STON2: variants seen among roughly 807,000 people sequenced by gnomAD.
STON2 encodes stonin-2.
A neutral mutation model predicts 65.7 loss-of-function variants in STON2; 29 were observed. The ratio of observed to expected loss-of-function variants is 0.44; its 90% CI spans 0.33 to 0.60. The LOEUF (loss-of-function observed/expected upper bound fraction) is 0.60, where lower values mean the gene tolerates loss of function less well. Ranked by LOEUF, STON2 falls within the 20% of genes least tolerant of loss-of-function variation. The pLI is 0.03. For synonymous variants in STON2, 404 were observed against 414.2 expected, an observed-to-expected ratio of 0.98 and a Z score of 0.30; for missense variants, 1,054 against 1,118.1, an observed-to-expected ratio of 0.94 and a Z score of 0.82.
At position 81,277,064 on chromosome 14, in the gene STON2, C is replaced by T. The variant is rs765690420; in HGVS notation, c.2418G>A (p.Gly806=). The change falls in exon 6 of 8, where the codon GGG becomes GGA. Residue 806 remains glycine, a synonymous_variant. Transcript: ENST00000614646. ...TCACTTTGGCTTTCAAAGACTTTTCCCCCAGGACACTTTCCCTGCGGAAGT... is the reference window on the plus strand; with the variant it reads ...TCACTTTGGCTTTCAAAGACTTTTCTCCCAGGACACTTTCCCTGCGGAAGT... ...VKNFRRESVL[G]EKSLKAKVNR... 16 of 1,614,196 alleles carry T rather than the reference C, an allele frequency of 9.9e-6. No individual in the cohort carries two copies. In the East Asian group the frequency reaches 3.6e-4, roughly 36 times the overall value.
intron 7 of STON2, 26 bp from the exon 8 acceptor site, chr14:81,268,523 A>C (rs1894445625): frequency 7.8e-7 from 1 of 1,288,650 alleles, no homozygotes; most frequent in Non-Finnish European, 1.0e-6. Context: ...GTTGGAGATA[A>C]AGATCAAAAA....
chr14:81,408,254 C>T (rs1374279900), intron 2 of STON2, among the ~76,000 whole-genome samples: 5 of 151,918 alleles, frequency 3.3e-5, no homozygotes, highest in South Asian at 2.1e-4. Flanking sequence ...ATTATTTCGA[C>T]GTTTAAAAAT....
intron 1 of STON2, among the ~76,000 whole-genome samples, chr14:81,435,872 G>T (rs755821211): frequency 1.2e-4 from 18 of 152,192 alleles, no homozygotes; most frequent in Non-Finnish European, 2.4e-4. Flanking sequence ...CTGGGGTCCT[G>T]CCTCCCGACA....
intron 5 of STON2, among the ~76,000 whole-genome samples, chr14:81,297,507 T>C (rs1164388781): frequency 6.6e-6 from 1 of 152,226 alleles, no homozygotes. Flanking sequence ...CTGAGTCTGT[T>C]TCCTCACTTT....
At chr14:81,384,526 G>A (rs541938537) in intron 3 of STON2, among the ~76,000 whole-genome samples, 187 of 152,230 alleles carry the variant, frequency 1.2e-3, no homozygotes, top group Non-Finnish European at 2.1e-3. Flanking sequence ...GTAAGCCATC[G>A]CGCCCAGCCC....
chr14:81,365,822 T>C (rs1898697560), intron 4 of STON2, among the ~76,000 whole-genome samples: 1 of 152,152 alleles, frequency 6.6e-6, no homozygotes, highest in African/African-American at 2.4e-5. Flanking sequence ...GAGCAGCTTG[T>C]GTGCAAGCAT....
intron 4 of STON2, among the ~76,000 whole-genome samples, chr14:81,334,775 C>T (rs894854047): frequency 3.3e-5 from 5 of 152,174 alleles, no homozygotes; most frequent in South Asian, 2.1e-4. Context: ...AATGTCCTAT[C>T]GTAGTCTGGT....
At chr14:81,388,689 T>C (rs1371895935) in intron 3 of STON2, among the ~76,000 whole-genome samples, 2 of 152,218 alleles carry the variant, frequency 1.3e-5, no homozygotes, top group African/African-American at 2.4e-5. Context: ...GCTTTATTCT[T>C]AGGTGGCACA....
chr14:81,328,930 T>C (rs538780381), intron 4 of STON2, among the ~76,000 whole-genome samples: 1 of 152,202 alleles, frequency 6.6e-6, no homozygotes, highest in East Asian at 1.9e-4. Context: ...GCCAGCGCCA[T>C]GCTTCTTGTA....
intron 4 of STON2, among the ~76,000 whole-genome samples, chr14:81,351,178 C>CTTTTTTTTT (rs370421507): frequency 1.1e-4 from 14 of 127,878 alleles, no homozygotes; most frequent in East Asian, 2.3e-4. Context: ...GTAAGCTCTT[C>CTTTTTTTTT]TTTTTTTTTT....
chr14:81,277,672 C>A lies in STON2; in HGVS notation c.1810G>T (p.Asp604Tyr). Residue 604 changes from aspartate (D) to tyrosine (Y), a missense_variant, in exon 6 of 8, where the codon GAC becomes TAC. Coordinates refer to ENST00000614646, the MANE Select transcript of STON2 (RefSeq NM_001394390.1). ...DFLSFIHAVQ[D>Y]RLMDLPVLSM... is the part of the protein sequence containing the mutation. ...AACACTGGCAGATCCATGAGACGGT[C>A]CTGAACTGCATGGATGAAACTCAGG... The A allele has an allele frequency of 6.2e-7, 1 of 1,614,174 alleles. No homozygotes were observed. Among genetic ancestry groups the A allele is most frequent in the South Asian group, 1.1e-5 (1 of 91,080 alleles).
intron 2 of STON2, among the ~76,000 whole-genome samples, chr14:81,423,405 C>T (rs537029360): frequency 9.8e-5 from 15 of 152,310 alleles, no homozygotes; most frequent in African/African-American, 3.6e-4. Flanking sequence ...TCTCAAAGTC[C>T]TAGGGATCTG....
intron 1 of STON2, among the ~76,000 whole-genome samples, chr14:81,433,143 G>A (rs75920494): frequency 0.027 from 4,047 of 152,176 alleles, 181 homozygotes; most frequent in African/African-American, 0.091. Flanking sequence ...ATAAAATAAC[G>A]ACTTCAAGAT....
At chr14:81,382,288 G>A (rs1377682554) in intron 3 of STON2, among the ~76,000 whole-genome samples, 3 of 152,130 alleles carry the variant, frequency 2.0e-5, no homozygotes, top group East Asian at 1.9e-4. Context: ...TAAATGGATT[G>A]TAGCATATTA....
intron 3 of STON2, among the ~76,000 whole-genome samples, chr14:81,374,810 C>A (rs150021520): frequency 4.0e-5 from 6 of 151,528 alleles, no homozygotes; most frequent in African/African-American, 1.5e-4. Flanking sequence ...GGTAGAGGGG[C>A]AATATTTGAA....
At chr14:81,404,894 CAG>C (rs1900771530), upstream of STON2, among the ~76,000 whole-genome samples, 1 of 152,198 alleles carries the variant, frequency 6.6e-6, no homozygotes, top group Non-Finnish European at 1.5e-5. Flanking sequence ...TTTCACAAGA[CAG>C]AGAATTTTTC....
chr14:81,402,464 C>A (rs137921106), upstream of STON2, among the ~76,000 whole-genome samples: 1,181 of 152,262 alleles, frequency 7.8e-3, 3 homozygotes, highest in Non-Finnish European at 0.012. Context: ...AGTAGGACAG[C>A]AGCAAGTAAG....
In STON2 at chr14:81,261,907, T is replaced by C; in HGVS notation, c.*6507A>G. On this transcript the variant is annotated 3_prime_UTR_variant, in exon 8 of 8. Coordinates refer to ENST00000614646, the MANE Select transcript of STON2 (RefSeq NM_001394390.1). ...GGAAGGCAACTGCAATATAGAGGAT[T>C]TGGAAGGTTGTCTGTTTCTGTTGTC... is the stretch of plus-strand genomic sequence containing the variant. 6.6e-7 allele frequency: 1 copy of C among 1,514,038 alleles called. No individual in the cohort carries two copies. The highest frequency in any genetic ancestry group is 8.8e-7 in the Non-Finnish European group (1 of 1,139,588). The allele number at this position is 1,514,038 out of a possible 1,614,324, so 93.8% of individuals were successfully genotyped here. A position where few individuals can be genotyped will look rare whatever the true frequency, so the allele number is the denominator to read the frequency against.
chr14:81,270,971 C>G (rs1266217809), intron 6 of STON2, 99 bp from the exon 7 acceptor site: 1 of 1,449,764 alleles, frequency 6.9e-7, no homozygotes. Flanking sequence ...CCTGTGGGCT[C>G]GGCACCCGGC....
Sources: gnomAD v4.1 joint callset for allele counts (sites outside exome capture counted in the v4.1 genomes callset) on GRCh38, gnomAD v4.1.1 for gene constraint, MANE v1.5 for transcripts, NCBI Gene and HGNC (gene_info 2026-07-23, HGNC 2026-07-21) for gene names.